FHL2: variants seen among roughly 807,000 people sequenced by gnomAD.
FHL2 encodes the protein four and a half LIM domains protein 2.
FHL2 carries 20 observed loss-of-function variants against 32.7 expected under a neutral mutation model. That is an observed-to-expected ratio of 0.61 (90% confidence interval 0.43 to 0.89). The LOEUF is 0.89. Ranked by LOEUF, FHL2 falls within the 40% of genes least tolerant of loss-of-function variation. FHL2 has a pLI of 0.00. For synonymous variants in FHL2, 123 were observed against 128.1 expected (o/e 0.96, Z 0.27); for missense variants, 311 against 358.6 (o/e 0.87, Z 1.07).
chr2:105,414,405 C>T (rs1270081176), intron 1 of FHL2, among the ~76,000 whole-genome samples: 1 of 152,190 alleles, frequency 6.6e-6, no homozygotes, highest in African/African-American at 2.4e-5. Flanking sequence ...GGCTGAAAGT[C>T]CCAACCCTCT....
chr2:105,387,451 C>T (rs1417937240), intron 2 of FHL2, among the ~76,000 whole-genome samples: 1 of 152,146 alleles, frequency 6.6e-6, no homozygotes, highest in Non-Finnish European at 1.5e-5. Flanking sequence ...TCATTGCTCC[C>T]TGCGGGTAAG....
chr2:105,405,754 G>T (rs1683610158), intron 1 of FHL2, among the ~76,000 whole-genome samples: 1 of 152,238 alleles, frequency 6.6e-6, no homozygotes, highest in Non-Finnish European at 1.5e-5. Context: ...ACTAGAAAGA[G>T]CCTGGACTGG....
intron 2 of FHL2, among the ~76,000 whole-genome samples, chr2:105,394,496 C>A (rs1187482944): frequency 6.6e-6 from 1 of 151,514 alleles, no homozygotes; most frequent in African/African-American, 2.4e-5. Flanking sequence ...CTGCTTGAGC[C>A]CAGGGGTTTG....
At chr2:105,385,766 G>A (rs1682261091) in intron 3 of FHL2, 1 of 152,716 alleles carries the variant, frequency 6.5e-6, no homozygotes, top group African/African-American at 2.4e-5. Context: ...CGGGGCAGTT[G>A]GTACAAGTGA....
rs182518179 is a variant in FHL2, at chr2:105,396,292, A to G, written c.-25+355T>C. On this transcript the variant is annotated intron_variant, in intron 2 of 6. Coordinates refer to ENST00000530340, the MANE Select transcript of FHL2 (RefSeq NM_001318895.3). The stretch of plus-strand genomic sequence containing the variant: ...TTGCAGTCTGAAAAGAGGAGACTCT[A>G]TAGACCCAAGAAGAGCCGATGTTTC... Among the ~76,000 whole-genome samples the G allele has an allele frequency of 5.4e-3, 816 of 152,316 alleles. 7 individuals carry two copies. The highest frequency in any genetic ancestry group is 0.012 in the Admixed American group (179 of 15,310).
chr2:105,421,537 T>G (rs751015992), intron 1 of FHL2, among the ~76,000 whole-genome samples: 12 of 152,258 alleles, frequency 7.9e-5, no homozygotes, highest in Middle Eastern at 3.4e-3. Flanking sequence ...CTGCCCATTT[T>G]TTGTTGTTGT....
intron 1 of FHL2, among the ~76,000 whole-genome samples, chr2:105,428,618 G>T (rs995832628): frequency 2.0e-5 from 3 of 152,204 alleles, no homozygotes; most frequent in African/African-American, 4.8e-5. Context: ...CTGTCCCTTG[G>T]CTTCGTGTGG....
chr2:105,419,285 T>C (rs1684028328), intron 1 of FHL2, among the ~76,000 whole-genome samples: 2 of 152,228 alleles, frequency 1.3e-5, no homozygotes, highest in Admixed American at 6.5e-5. Flanking sequence ...TGGTGATTTG[T>C]GAAATTTGGG....
In FHL2 at chr2:105,398,909, G is replaced by T; in HGVS notation, c.-143C>A. On this transcript the variant is annotated 5_prime_UTR_variant, in exon 1 of 7. Transcript: ENST00000530340. ...CGCACCGGATTCGGCCCCCACTTCC[G>T]AGCCCTGGTGGCTAAGCCCCTCGGC... The T allele has an allele frequency of 6.5e-7, 1 of 1,536,028 alleles. No homozygotes were observed.
At chr2:105,378,311 C>T (rs1388998713) in intron 3 of FHL2, 1 of 400,866 alleles carries the variant, frequency 2.5e-6, no homozygotes, top group Non-Finnish European at 5.2e-6. Flanking sequence ...GACTAAGCAT[C>T]CATGCAAGAC....
intron 2 of FHL2, among the ~76,000 whole-genome samples, chr2:105,391,369 A>C (rs191053668): frequency 1.3e-5 from 2 of 152,256 alleles, no homozygotes; most frequent in African/African-American, 4.8e-5. Context: ...GCAGAGGAGG[A>C]GCCCCTGAGA....
intron 2 of FHL2, among the ~76,000 whole-genome samples, chr2:105,393,544 G>A (rs1558711411): frequency 1.3e-5 from 2 of 152,130 alleles, no homozygotes; most frequent in South Asian, 2.1e-4. Flanking sequence ...TCTACCAACC[G>A]TAAGCATTGG....
At chr2:105,408,334 C>G (rs1405839281) in intron 1 of FHL2, among the ~76,000 whole-genome samples, 1 of 152,196 alleles carries the variant, frequency 6.6e-6, no homozygotes, top group African/African-American at 2.4e-5. Context: ...ACATGCACAC[C>G]TTCCTTGACT....
intron 1 of FHL2, among the ~76,000 whole-genome samples, chr2:105,430,557 A>C (rs2104682131): frequency 6.6e-6 from 1 of 152,150 alleles, no homozygotes. Context: ...AGTCCAAGCT[A>C]CTCTGGAGGC....
At position 105,363,278 on chromosome 2, in the gene FHL2, C is replaced by T. The variant is rs768230517; in HGVS notation, c.688+7G>A. 5.0e-6 allele frequency: 8 copies of T among 1,613,348 alleles called. No homozygotes were observed. In the East Asian group the frequency reaches 1.8e-4, roughly 36 times the overall value. ...GCCCCTGGAAATGGGAACCCCGGGA[C>T]ACTCACCGCTGATGGGGTTGGTGCA... is the stretch of plus-strand genomic sequence containing the variant. On this transcript the variant is annotated splice_region_variant and intron_variant, in intron 6 of 6. Coordinates refer to ENST00000530340, the MANE Select transcript of FHL2 (RefSeq NM_001318895.3).
intron 3 of FHL2, among the ~76,000 whole-genome samples, chr2:105,380,000 T>G (rs1325441473): frequency 1.3e-5 from 2 of 152,206 alleles, no homozygotes; most frequent in Non-Finnish European, 2.9e-5. Context: ...CCAGTTTGTG[T>G]TGTCTTTAGA....
chr2:105,398,726 T>G, intron 1 of FHL2, 116 bp downstream of exon 1: 3 of 726,858 alleles, frequency 4.1e-6, no homozygotes, highest in Non-Finnish European at 3.9e-6. Flanking sequence ...AGGGTTCGGC[T>G]CTCCTCTCCC....
intron 3 of FHL2, among the ~76,000 whole-genome samples, chr2:105,380,524 C>T (rs540209131): frequency 5.5e-4 from 83 of 152,282 alleles, no homozygotes; most frequent in Non-Finnish European, 9.7e-4. Flanking sequence ...CCACCACGCC[C>T]GGCTCAAGTG....
chr2:105,438,266 GT>G, intron 1 of FHL2: 1 of 743,962 alleles, frequency 1.3e-6, no homozygotes, highest in Non-Finnish European at 1.6e-6. Context: ...CGAGCTCCCA[GT>G]GCCTGAGAGC....
Sources: allele counts gnomAD v4.1 joint callset (sites outside exome capture counted in the v4.1 genomes callset), GRCh38; gene constraint gnomAD v4.1.1; transcripts MANE v1.5; gene names NCBI Gene and HGNC (gene_info 2026-07-23, HGNC 2026-07-21).